Variants in NRXN1 observed in about 807,000 individuals in gnomAD.
NRXN1 encodes neurexin-1.
NRXN1 carries 39 observed loss-of-function variants against 150.9 expected under a neutral mutation model. The observed-to-expected ratio is 0.26, with a 90% CI of 0.20 to 0.34. The LOEUF (loss-of-function observed/expected upper bound fraction) is 0.34. NRXN1 is among the 10% of genes least tolerant of loss of function. The pLI is 1.00. For synonymous variants in NRXN1, 924 were observed against 757.0 expected, an observed-to-expected ratio of 1.22 and a Z score of -3.62; for missense variants, 1,815 against 1,949.9, an observed-to-expected ratio of 0.93 and a Z score of 1.30.
chr2:50,411,791 G>A (rs74685914), intron 17 of NRXN1, among the ~76,000 whole-genome samples: 36,580 of 152,102 alleles, frequency 0.24, 4,736 homozygotes, highest in East Asian at 0.43. Context: ...CCCTCTGCCC[G>A]GCTGCCACCC....
At chr2:50,371,385 C>A (rs1166170031) in intron 17 of NRXN1, among the ~76,000 whole-genome samples, 1 of 152,010 alleles carries the variant, frequency 6.6e-6, no homozygotes, top group Non-Finnish European at 1.5e-5. Flanking sequence ...CCCTTGCTCT[C>A]CATTTCCATT....
At chr2:50,795,904 ATAT>A (rs1301328366) in intron 5 of NRXN1, among the ~76,000 whole-genome samples, 2 of 152,018 alleles carry the variant, frequency 1.3e-5, no homozygotes, top group African/African-American at 4.8e-5. Flanking sequence ...TGCATAATAA[ATAT>A]TATTAGCCCA....
chr2:50,344,754 C>T (rs866300457), intron 17 of NRXN1, among the ~76,000 whole-genome samples: 2 of 152,198 alleles, frequency 1.3e-5, no homozygotes, highest in South Asian at 2.1e-4. Context: ...CCTTGGTCTT[C>T]TCCTCTCCCA....
At chr2:50,101,469 T>G (rs913821955) in intron 18 of NRXN1, among the ~76,000 whole-genome samples, 1 of 152,074 alleles carries the variant, frequency 6.6e-6, no homozygotes. Context: ...CCTGACTATA[T>G]AATTACAATC....
chr2:50,510,462 G>A (rs1231723368), intron 12 of NRXN1, among the ~76,000 whole-genome samples: 2 of 109,356 alleles, frequency 1.8e-5, no homozygotes, highest in Non-Finnish European at 3.4e-5. Flanking sequence ...CTCCAGCCTG[G>A]ATGACAGAGA....
At chr2:50,905,927 G>T (rs1170334844) in intron 5 of NRXN1, among the ~76,000 whole-genome samples, 1 of 152,060 alleles carries the variant, frequency 6.6e-6, no homozygotes, top group South Asian at 2.1e-4. Context: ...ATTGCTTCAT[G>T]ATTTAGACAG....
chr2:50,955,834 G>A (rs1360133812), intron 2 of NRXN1, among the ~76,000 whole-genome samples: 3 of 152,122 alleles, frequency 2.0e-5, no homozygotes, highest in African/African-American at 7.2e-5. Context: ...ACTGAGGGGG[G>A]AATGATTGAA....
intron 2 of NRXN1, among the ~76,000 whole-genome samples, chr2:50,960,787 C>A (rs565513354): frequency 6.6e-6 from 1 of 151,896 alleles, no homozygotes; most frequent in Non-Finnish European, 1.5e-5. Flanking sequence ...AAGATGTAAA[C>A]GTTTAACCAA....
chr2:50,203,842 T>C (rs1274359899), intron 18 of NRXN1, among the ~76,000 whole-genome samples: 1 of 152,178 alleles, frequency 6.6e-6, no homozygotes, highest in African/African-American at 2.4e-5. Flanking sequence ...TCAACAGCTT[T>C]ATCGTATTAA....
chr2:50,665,740 A>G lies in NRXN1; in HGVS notation c.833-42125T>C, dbSNP rs951876100. Among the ~76,000 whole-genome samples the G allele has an allele frequency of 1.1e-4, 17 of 151,984 alleles. No individual in the cohort carries two copies. In the South Asian group the frequency reaches 2.9e-3, roughly 26 times the overall value. ...TTCTCTAATCATATGCAAGAATTGA[A>G]TCAACTAAAAAACACATGTTTGGAT... On this transcript the variant is annotated intron_variant, in intron 5 of 22. Coordinates refer to ENST00000401669, the MANE Select transcript of NRXN1 (RefSeq NM_001330078.2).
chr2:50,115,215 G>A lies in NRXN1; in HGVS notation c.3547-23721C>T, dbSNP rs1165562533. On this transcript the variant is annotated intron_variant, in intron 18 of 22. Transcript: ENST00000401669. Reference sequence around the variant, plus strand: ...TTACAAAAAAACATATATATGTTATGTGTATATATATATATATATATATAT... The same window carrying A: ...TTACAAAAAAACATATATATGTTATATGTATATATATATATATATATATAT... Among the ~76,000 whole-genome samples the A allele has an allele frequency of 9.6e-3, 679 of 70,652 alleles. 3 individuals are homozygous for A. The highest frequency in any genetic ancestry group is 0.017 in the Non-Finnish European group (556 of 32,836). The allele number at this position is 70,652 out of a possible 152,430, so 46.4% of individuals were successfully genotyped here.
intron 10 of NRXN1, among the ~76,000 whole-genome samples, chr2:50,536,041 T>G (rs2105243150): frequency 6.6e-6 from 1 of 152,338 alleles, no homozygotes; most frequent in South Asian, 2.1e-4. Context: ...GAAGAAACTC[T>G]GTCAAAGCCC....
chr2:50,347,618 G>A lies in NRXN1; in HGVS notation c.3365-110648C>T, dbSNP rs199773777. 9 of 1,006,078 alleles carry A rather than the reference G, an allele frequency of 8.9e-6. No individual in the cohort carries two copies. Among genetic ancestry groups the A allele is most frequent in the African/African-American group, 1.7e-5 (1 of 57,324 alleles). 62.3% of individuals were successfully genotyped at this position (1,006,078 alleles called of 1,614,324 possible). A position where few individuals can be genotyped will look rare whatever the true frequency, so the allele number is the denominator to read the frequency against. Reference sequence around the variant, plus strand: ...GCGTCCGCCGCCTCCTGACACTTACGCCCGGCGAGGGGTTCAGAGGGAAGA... The same window carrying A: ...GCGTCCGCCGCCTCCTGACACTTACACCCGGCGAGGGGTTCAGAGGGAAGA... On this transcript the variant is annotated intron_variant, in intron 17 of 22. Transcript: ENST00000401669. The surrounding 1 kb of genome is among the most constrained non-coding windows in gnomAD (Gnocchi z 4.9).
chr2:51,001,610 G>C (rs1286914675), intron 2 of NRXN1, among the ~76,000 whole-genome samples: 2 of 151,852 alleles, frequency 1.3e-5, no homozygotes, highest in East Asian at 3.9e-4. Context: ...CAGAGCATTT[G>C]AATTTCATTT....
chr2:49,988,025 A>G (rs1681228789), intron 21 of NRXN1, among the ~76,000 whole-genome samples: 1 of 152,098 alleles, frequency 6.6e-6, no homozygotes, highest in Non-Finnish European at 1.5e-5. Flanking sequence ...TATTACTTTT[A>G]TGTGTTCTAC....
At chr2:50,981,216 G>T (rs1426602815) in intron 2 of NRXN1, among the ~76,000 whole-genome samples, 1 of 151,802 alleles carries the variant, frequency 6.6e-6, no homozygotes, top group African/African-American at 2.4e-5. Context: ...CAGCACTTAG[G>T]GAGGCTGAGG....
At chr2:50,018,455 G>T (rs969938817) in intron 21 of NRXN1, among the ~76,000 whole-genome samples, 9 of 152,094 alleles carry the variant, frequency 5.9e-5, no homozygotes, top group African/African-American at 2.2e-4. Context: ...AAATGTGAAG[G>T]CAGTAATGGA....
chr2:50,474,773 G>A (rs1466815886), intron 15 of NRXN1, among the ~76,000 whole-genome samples: 1 of 146,168 alleles, frequency 6.8e-6, no homozygotes, highest in Non-Finnish European at 1.5e-5. Flanking sequence ...GAGCACCTGA[G>A]TTGTGACTCT....
chr2:50,441,044 GAGA>G (rs1301660845), intron 17 of NRXN1, among the ~76,000 whole-genome samples: 3 of 152,134 alleles, frequency 2.0e-5, no homozygotes, highest in South Asian at 4.1e-4. Flanking sequence ...TTGAAATACA[GAGA>G]AGATTATCAA....
Sources: allele counts gnomAD v4.1 joint callset (sites outside exome capture counted in the v4.1 genomes callset), GRCh38; gene constraint gnomAD v4.1.1; non-coding constraint Gnocchi (gnomAD v3.1); transcripts MANE v1.5; gene names NCBI Gene and HGNC (gene_info 2026-07-23, HGNC 2026-07-21).